The following SETD1A variants were observed in gnomAD, a reference collection of about 807,000 sequenced individuals.
SETD1A encodes the protein histone-lysine N-methyltransferase SETD1A.
SETD1A carries 29 observed loss-of-function variants against 149.9 expected under a neutral mutation model. The ratio of observed to expected loss-of-function variants is 0.19; its 90% CI spans 0.14 to 0.26. SETD1A has a LOEUF of 0.26. SETD1A is among the 10% of genes least tolerant of loss of function. The probability of loss-of-function intolerance (pLI) is 1.00; values close to 1 mark genes in which losing one functional copy is unlikely to be tolerated. For synonymous variants in SETD1A, 1,141 were observed against 968.5 expected (o/e 1.18, Z -3.31); for missense variants, 2,109 against 2,353.1 (o/e 0.90, Z 2.15).
intron 10 of SETD1A, among the ~76,000 whole-genome samples, chr16:30,968,922 T>C (rs941023861): frequency 2.0e-5 from 3 of 151,952 alleles, no homozygotes; most frequent in Non-Finnish European, 4.4e-5. Context: ...CTGAGCAACA[T>C]AGGTAGACCC....
At position 30,980,451 on chromosome 16, in the gene SETD1A, G is replaced by T; in HGVS notation, c.4409-34G>T. 6.3e-7 allele frequency: 1 copy of T among 1,590,052 alleles called. No homozygotes were observed. The highest frequency in any genetic ancestry group is 1.1e-5 in the South Asian group (1 of 88,240). On this transcript the variant is annotated intron_variant, in intron 14 of 18. Transcript: ENST00000262519. The surrounding 1 kb of genome is among the most constrained non-coding windows in gnomAD (Gnocchi z 7.7). ...CCTTTGGCTGGGACGCAGGTGGCCA[G>T]AGAGGAGCCGTTCTCTTCCTTAACA...
intron 17 of SETD1A, among the ~76,000 whole-genome samples, chr16:30,982,385 C>T (rs2056390068): frequency 6.6e-6 from 1 of 151,834 alleles, no homozygotes; most frequent in Non-Finnish European, 1.5e-5. Context: ...CCTGTAATCC[C>T]AGCTACTAGG....
intron 8 of SETD1A, 59 bp from the exon 9 acceptor site, chr16:30,966,825 A>G: frequency 2.7e-6 from 4 of 1,483,112 alleles, no homozygotes; most frequent in African/African-American, 1.4e-5. Context: ...AGTAGGTCTC[A>G]GGCAGGAGGG....
rs562368739 is a variant in SETD1A at position 30,958,708 on chromosome 16, C to T, written c.-15-9C>T. The T allele has an allele frequency of 2.0e-5, 33 of 1,613,378 alleles. 1 individual carries two copies. The highest frequency in any genetic ancestry group is 3.3e-4 in the Middle Eastern group (2 of 6,062). On this transcript the variant is annotated splice_polypyrimidine_tract_variant and intron_variant, in intron 1 of 18. Coordinates refer to ENST00000262519, the MANE Select transcript of SETD1A (RefSeq NM_014712.3). ...TGATCCTTCTTGCGTGTCCCTCTTC[C>T]CCTAACAGTGTAAATGAGCAAAGAT...
intron 13 of SETD1A, among the ~76,000 whole-genome samples, chr16:30,974,175 C>G (rs1013487266): frequency 1.3e-5 from 2 of 151,968 alleles, no homozygotes; most frequent in African/African-American, 2.4e-5. Context: ...GTTAAACTTC[C>G]CCAGGAAAAG....
At chr16:30,982,367 G>A (rs2056389844) in intron 17 of SETD1A, among the ~76,000 whole-genome samples, 1 of 152,050 alleles carries the variant, frequency 6.6e-6, no homozygotes, top group African/African-American at 2.4e-5. Context: ...CAGGCGTGGT[G>A]GCAGGCGCCT....
intron 10 of SETD1A, among the ~76,000 whole-genome samples, chr16:30,968,886 C>G (rs1403126329): frequency 2.0e-5 from 3 of 152,178 alleles, no homozygotes; most frequent in Non-Finnish European, 4.4e-5. Flanking sequence ...AGGAGGATCA[C>G]TTGAACCCAG....
chr16:30,960,336 C>T (rs1006544457), intron 3 of SETD1A, among the ~76,000 whole-genome samples: 6 of 152,216 alleles, frequency 3.9e-5, no homozygotes, highest in African/African-American at 7.2e-5. Context: ...GTTACATCCA[C>T]ACCATAACGC....
chr16:30,979,511 A>G lies in SETD1A; in HGVS notation c.3725A>G (p.Glu1242Gly). ...GGAGGCCGAGGCCGCCTCACCGAGG[A>G]AGAGGAGGCTGAGCCAGGGACAGAG... ...RAGGRGRLTE[E>G]EEAEPGTEVD... Residue 1242 changes from glutamate (E) to glycine (G), a missense_variant, in exon 14 of 19, where the codon GAA becomes GGA. Physicochemically the swap from Glu to Gly is moderately conservative, Grantham distance 98. This residue lies in a region of SETD1A where 832 missense variants were observed against 815.6 expected (regional missense o/e 1.02). Coordinates refer to ENST00000262519, the MANE Select transcript of SETD1A (RefSeq NM_014712.3). The G allele has an allele frequency of 6.2e-7, 1 of 1,606,712 alleles. No homozygotes were observed.
In SETD1A at chr16:30,961,094, A is replaced by G. The variant is rs546843417; in HGVS notation, c.247-173A>G. 6.6e-6 allele frequency among the ~76,000 whole-genome samples: 1 copy of G among 152,082 alleles called. No homozygotes were observed. The highest frequency in any genetic ancestry group is 1.9e-4 in the East Asian group (1 of 5,166). The stretch of plus-strand genomic sequence containing the variant: ...CTTGCTGTTATTCTGTGGTGAGAAG[A>G]ATTCAGGGAAAAGGGGTCAGGTCTG... On this transcript the variant is annotated intron_variant, in intron 3 of 18. Transcript: ENST00000262519. This position sits in a 1 kb window ranked among gnomAD's most constrained non-coding sequence, Gnocchi z 4.0.
At position 30,979,251 on chromosome 16, in the gene SETD1A, C is replaced by A. The variant is rs776375871; in HGVS notation, c.3465C>A (p.Ile1155=). 3 of 1,528,038 alleles carry A rather than the reference C, an allele frequency of 2.0e-6. No homozygotes were observed. The highest frequency in any genetic ancestry group is 1.1e-5 in the South Asian group (1 of 89,388). The allele number at this position is 1,528,038 out of a possible 1,614,324, so 94.7% of individuals were successfully genotyped here. Residue 1155 remains isoleucine, a synonymous_variant, in exon 14 of 19, where the codon ATC becomes ATA. Transcript: ENST00000262519. The part of the protein sequence containing the change: ...PRPDERPSSP[I]PLLPPPKKRR... ...CCGATGAGCGTCCCTCTTCTCCCAT[C>A]CCCCTCCTGCCCCCACCCAAGAAAC...
At chr16:30,972,001 T>TTC (rs1259163122) in intron 13 of SETD1A, among the ~76,000 whole-genome samples, 1 of 152,204 alleles carries the variant, frequency 6.6e-6, no homozygotes, top group Admixed American at 6.5e-5. Context: ...CCCAGTTGAA[T>TTC]AAGTTCTTCC....
chr16:30,979,702 G>T lies in SETD1A; in HGVS notation c.3916G>T (p.Val1306Phe), dbSNP rs767236633. 1 of 1,603,818 alleles carries T rather than the reference G, an allele frequency of 6.2e-7. No individual in the cohort carries two copies. The highest frequency in any genetic ancestry group is 1.7e-5 in the Admixed American group (1 of 59,934). Reference protein sequence around the residue: ...ILLEHNYALAVKPTPPAPALR... With the variant: ...ILLEHNYALAFKPTPPAPALR... ...CCTGGAGCACAACTATGCCCTGGCCGTCAAGCCCACGCCCCCTGCGCCAGC... is the reference window on the plus strand; with the variant it reads ...CCTGGAGCACAACTATGCCCTGGCCTTCAAGCCCACGCCCCCTGCGCCAGC... The change falls in exon 14 of 19, where the codon GTC becomes TTC. Residue 1306 changes from valine to phenylalanine, a missense_variant. Transcript: ENST00000262519.
At chr16:30,960,126 T>G (rs995116245) in intron 3 of SETD1A, among the ~76,000 whole-genome samples, 4 of 152,218 alleles carry the variant, frequency 2.6e-5, no homozygotes, top group African/African-American at 9.6e-5. Context: ...CCACTTAATG[T>G]AGACCTTGGT....
intron 17 of SETD1A, among the ~76,000 whole-genome samples, chr16:30,982,626 A>G (rs1267488013): frequency 6.6e-6 from 1 of 151,634 alleles, no homozygotes; most frequent in East Asian, 1.9e-4. Flanking sequence ...GTGAGAGAGG[A>G]GGAAAGTCCC....
At chr16:30,972,930 C>T (rs2143545765) in intron 13 of SETD1A, among the ~76,000 whole-genome samples, 1 of 152,018 alleles carries the variant, frequency 6.6e-6, no homozygotes, top group South Asian at 2.1e-4. Context: ...AGGCACAGGG[C>T]AGCCAGCCGG....
chr16:30,968,816 A>G (rs1030291826), intron 10 of SETD1A, among the ~76,000 whole-genome samples: 15 of 151,410 alleles, frequency 9.9e-5, no homozygotes, highest in African/African-American at 3.4e-4. Flanking sequence ...AAAAATATAT[A>G]TATATATGCC....
At position 30,980,585 on chromosome 16, in the gene SETD1A, C is replaced by T. The variant is rs201404145; in HGVS notation, c.4509C>T (p.Ser1503=). The T allele has an allele frequency of 1.2e-6, 2 of 1,614,142 alleles. No individual in the cohort carries two copies. The highest frequency in any genetic ancestry group is 4.5e-5 in the East Asian group (2 of 44,880). Residue 1503 remains serine (S), a synonymous_variant, in exon 15 of 19, where the codon AGC becomes AGT. Transcript: ENST00000262519. This position sits in a 1 kb window ranked among gnomAD's most constrained non-coding sequence, Gnocchi z 7.7. ...SARSEGYYPI[S]KKEKDKYLDV... Reference sequence around the variant, plus strand: ...GCAGCGAAGGCTACTACCCCATCAGCAAGAAGGAGAAGGACAAGTACCTGG... The same window carrying T: ...GCAGCGAAGGCTACTACCCCATCAGTAAGAAGGAGAAGGACAAGTACCTGG...
intron 10 of SETD1A, among the ~76,000 whole-genome samples, chr16:30,968,513 T>C (rs1043691110): frequency 3.3e-5 from 5 of 151,862 alleles, no homozygotes; most frequent in Non-Finnish European, 4.4e-5. Context: ...CGTATCTGTA[T>C]ATATTAAGGC....
Sources: allele counts gnomAD v4.1 joint callset (sites outside exome capture counted in the v4.1 genomes callset), GRCh38; gene constraint gnomAD v4.1.1; regional missense constraint gnomAD v4.1.1; non-coding constraint Gnocchi (gnomAD v3.1); transcripts MANE v1.5; gene names NCBI Gene and HGNC (gene_info 2026-07-23, HGNC 2026-07-21).